The following FLT1 variants were observed in gnomAD, a reference collection of about 807,000 sequenced individuals.
FLT1 encodes vascular endothelial growth factor receptor 1.
In FLT1, 49 loss-of-function variants were observed where a neutral mutation model predicts 156.3. That is an observed-to-expected ratio of 0.31 (90% CI 0.25 to 0.40). FLT1 has a LOEUF of 0.40. Among genes scored for constraint, FLT1 ranks in the 10% least tolerant of loss-of-function variants. FLT1 has a pLI of 1.00. For missense variants in FLT1, 1,322 were observed against 1,637.2 expected (o/e 0.81, Z 3.32); for synonymous variants, 594 against 583.8 (o/e 1.02, Z -0.25).
At chr13:28,440,072 G>A (rs1388775465) in intron 3 of FLT1, among the ~76,000 whole-genome samples, 4 of 151,992 alleles carry the variant, frequency 2.6e-5, no homozygotes, top group African/African-American at 7.3e-5. Flanking sequence ...CTCATCCTCC[G>A]GGAAGCCTTG....
chr13:28,320,883 G>A (rs1871426075), intron 23 of FLT1, among the ~76,000 whole-genome samples: 1 of 152,102 alleles, frequency 6.6e-6, no homozygotes, highest in Non-Finnish European at 1.5e-5. Flanking sequence ...TTAAGGAGAA[G>A]GGAGGACATG....
At chr13:28,367,660 C>T (rs1395354692) in intron 14 of FLT1, among the ~76,000 whole-genome samples, 1 of 152,166 alleles carries the variant, frequency 6.6e-6, no homozygotes, top group African/African-American at 2.4e-5. Flanking sequence ...TTTGAATTCA[C>T]CTATTTGATT....
chr13:28,457,995 C>T (rs1207418223), intron 3 of FLT1, among the ~76,000 whole-genome samples: 9 of 133,018 alleles, frequency 6.8e-5, no homozygotes, highest in Non-Finnish European at 1.4e-4. Flanking sequence ...AGTGCAGTGG[C>T]GCAATCTTGG....
intron 10 of FLT1, among the ~76,000 whole-genome samples, chr13:28,415,666 A>G (rs1485195044): frequency 6.6e-6 from 1 of 152,230 alleles, no homozygotes; most frequent in Non-Finnish European, 1.5e-5. Flanking sequence ...ATATCAGAAT[A>G]CAATTGAGCA....
chr13:28,390,244 G>T (rs1048941325), intron 12 of FLT1, 140 bp from the exon 13 acceptor site: 1 of 1,093,852 alleles, frequency 9.1e-7, no homozygotes, highest in Non-Finnish European at 1.3e-6. Flanking sequence ...GGGTAAATGA[G>T]CAAACACAGC....
intron 14 of FLT1, among the ~76,000 whole-genome samples, chr13:28,362,649 T>C (rs1489512558): frequency 6.6e-6 from 1 of 151,980 alleles, no homozygotes; most frequent in African/African-American, 2.4e-5. Flanking sequence ...TGAGACTCCA[T>C]CTCCACTAAA....
intron 29 of FLT1, 132 bp from the exon 30 acceptor site, chr13:28,303,500 C>CT (rs920803994): frequency 5.6e-5 from 44 of 785,772 alleles, no homozygotes; most frequent in Non-Finnish European, 7.8e-5. Flanking sequence ...GAACCCCCCC[C>CT]CCCTCAATTG....
chr13:28,399,121 G>A (rs1339751293), intron 11 of FLT1: 33 of 1,547,472 alleles, frequency 2.1e-5, no homozygotes, highest in Non-Finnish European at 2.9e-5. Context: ...GGTGGAAGCT[G>A]GAAGACAGGA....
chr13:28,463,547 A>T (rs538878841), intron 3 of FLT1, among the ~76,000 whole-genome samples: 1 of 152,360 alleles, frequency 6.6e-6, no homozygotes, highest in Admixed American at 6.5e-5. Flanking sequence ...TAATCTGCAG[A>T]TGCTTATTGG....
chr13:28,444,249 C>T (rs1878487201), intron 3 of FLT1, among the ~76,000 whole-genome samples: 1 of 152,124 alleles, frequency 6.6e-6, no homozygotes, highest in Non-Finnish European at 1.5e-5. Flanking sequence ...CAAGACCAGC[C>T]TGGTCAACAT....
chr13:28,379,070 T>G (rs1271243189), intron 14 of FLT1, among the ~76,000 whole-genome samples: 1 of 152,080 alleles, frequency 6.6e-6, no homozygotes, highest in East Asian at 1.9e-4. Context: ...GGGCTGGGCG[T>G]GTTGGCTCTC....
intron 3 of FLT1, among the ~76,000 whole-genome samples, chr13:28,454,150 T>C (rs560355470): frequency 5.3e-4 from 81 of 152,302 alleles, no homozygotes; most frequent in Non-Finnish European, 9.7e-4. Context: ...CCTACCAAAC[T>C]GCAGGCCCCT....
At chr13:28,492,656 TGAC>T (rs1378203702) in intron 1 of FLT1, among the ~76,000 whole-genome samples, 1 of 152,226 alleles carries the variant, frequency 6.6e-6, no homozygotes, top group Non-Finnish European at 1.5e-5. Context: ...AGGTTCATAA[TGAC>T]GCAAGAGAAC....
intron 14 of FLT1, among the ~76,000 whole-genome samples, chr13:28,370,505 G>C (rs1873512714): frequency 6.6e-6 from 1 of 152,182 alleles, no homozygotes; most frequent in Non-Finnish European, 1.5e-5. Context: ...GTTTCTAAAA[G>C]CCTTGAAGAG....
chr13:28,367,044 G>C (rs889700490), intron 14 of FLT1, among the ~76,000 whole-genome samples: 2 of 152,180 alleles, frequency 1.3e-5, no homozygotes, highest in Admixed American at 1.3e-4. Flanking sequence ...GGGTGGAGGA[G>C]GGGAGTGAGC....
chr13:28,481,766 A>G lies in FLT1; in HGVS notation c.64+13014T>C, dbSNP rs141711380. ...TGGAAGATAATCTAAGTCAACAAAT[A>G]GAGATCTCCTGCAAACTATGTACAC... On this transcript the variant is annotated intron_variant, in intron 1 of 29. Transcript: ENST00000282397. 8.2e-3 allele frequency among the ~76,000 whole-genome samples: 1,257 copies of G among 152,376 alleles called. 14 individuals are homozygous for G. The highest frequency in any genetic ancestry group is 0.028 in the African/African-American group (1,172 of 41,590).
At position 28,490,150 on chromosome 13, in the gene FLT1, C is replaced by T. The variant is rs986336884; in HGVS notation, c.64+4630G>A. ...AAAACAGCACTGGCCTCCTCTGGGC[C>T]GGTTTTCTCATCTCTGGCATGAGTA... On this transcript the variant is annotated intron_variant, in intron 1 of 29. Transcript: ENST00000282397. 2.0e-5 allele frequency among the ~76,000 whole-genome samples: 3 copies of T among 152,172 alleles called. No homozygotes were observed. In the East Asian group the frequency reaches 5.8e-4, roughly 29 times the overall value.
At chr13:28,423,684 G>GTA (rs1204427626) in intron 10 of FLT1, among the ~76,000 whole-genome samples, 2 of 152,176 alleles carry the variant, frequency 1.3e-5, no homozygotes, top group African/African-American at 2.4e-5. Context: ...TCTATGAAGT[G>GTA]TATATCATTA....
At chr13:28,494,289 C>A (rs1420295986) in intron 1 of FLT1, among the ~76,000 whole-genome samples, 1 of 152,236 alleles carries the variant, frequency 6.6e-6, no homozygotes, top group African/African-American at 2.4e-5. Flanking sequence ...GCGGCCAGTG[C>A]CCAATATCAC....
Sources: allele counts gnomAD v4.1 joint callset (sites outside exome capture counted in the v4.1 genomes callset), GRCh38; gene constraint gnomAD v4.1.1; transcripts MANE v1.5; gene names NCBI Gene and HGNC (gene_info 2026-07-23, HGNC 2026-07-21).